Variants in SH3PXD2A observed in about 807,000 individuals in gnomAD.
The protein encoded by SH3PXD2A is SH3 and PX domain-containing protein 2A.
In SH3PXD2A, 32 loss-of-function variants were observed where a neutral mutation model predicts 115.2. That is an observed-to-expected ratio of 0.28 (90% CI 0.21 to 0.37). SH3PXD2A has a LOEUF of 0.37. Among genes scored for constraint, SH3PXD2A ranks in the 10% least tolerant of loss-of-function variants. The pLI is 1.00. For missense variants in SH3PXD2A, 1,328 were observed against 1,498.7 expected, an observed-to-expected ratio of 0.89 and a Z score of 1.88; for synonymous variants, 610 against 629.1, an observed-to-expected ratio of 0.97 and a Z score of 0.45.
intron 14 of SH3PXD2A, among the ~76,000 whole-genome samples, chr10:103,604,859 GA>G (rs1202525164): frequency 4.6e-5 from 7 of 152,340 alleles, no homozygotes; most frequent in African/African-American, 1.7e-4. Flanking sequence ...AGTACAGAGA[GA>G]ATGATTTTTC....
At chr10:103,692,154 C>A (rs932731328) in intron 6 of SH3PXD2A, among the ~76,000 whole-genome samples, 9 of 152,196 alleles carry the variant, frequency 5.9e-5, no homozygotes, top group Non-Finnish European at 1.5e-5. Flanking sequence ...CTGTCCCCGC[C>A]CCCACTTCAG....
At chr10:103,790,978 T>A (rs182428276) in intron 2 of SH3PXD2A, among the ~76,000 whole-genome samples, 1 of 152,368 alleles carries the variant, frequency 6.6e-6, no homozygotes, top group Admixed American at 6.5e-5. Context: ...TGCACACAGC[T>A]GATTTCTCTC....
chr10:103,774,118 T>C, intron 2 of SH3PXD2A, among the ~76,000 whole-genome samples: 1 of 152,226 alleles, frequency 6.6e-6, no homozygotes, highest in East Asian at 1.9e-4. Flanking sequence ...TTTGGAAAAT[T>C]TGTGGCCATT....
chr10:103,607,961 G>C (rs564154071), intron 13 of SH3PXD2A, among the ~76,000 whole-genome samples: 1 of 151,570 alleles, frequency 6.6e-6, no homozygotes, highest in Non-Finnish European at 1.5e-5. Context: ...CAGCATGCTC[G>C]TTAAGAGTCA....
In SH3PXD2A at chr10:103,603,757, G is replaced by A. The variant is rs146556237; in HGVS notation, c.1461C>T (p.Tyr487=). The change falls in exon 15 of 15, where the codon TAC becomes TAT. Residue 487 remains tyrosine (Y), a synonymous_variant. Transcript: ENST00000369774. The stretch of plus-strand genomic sequence containing the variant: ...AGCCCTCCTTCTCACCGATCTGCAC[G>A]TACCACCAGCCACCTGAGTTCTTAT... ...VIDKNSGGWW[Y]VQIGEKEGWA... The A allele has an allele frequency of 2.3e-4, 370 of 1,610,276 alleles. 3 individuals are homozygous for A. The East Asian group carries it at 6.2e-3, about 27-fold the overall frequency.
chr10:103,785,652 G>C (rs986383659), intron 2 of SH3PXD2A, among the ~76,000 whole-genome samples: 6 of 152,086 alleles, frequency 3.9e-5, no homozygotes, highest in African/African-American at 7.2e-5. Flanking sequence ...CAAAAGGCGC[G>C]TCTGTACGTG....
At chr10:103,825,939 A>G (rs1963711) in intron 1 of SH3PXD2A, among the ~76,000 whole-genome samples, 151,439 of 151,940 alleles carry the variant, frequency 1, 75,478 homozygotes, top group Middle Eastern at 1. Context: ...AATTTTTTGT[A>G]TTTTTAGTAG....
intron 5 of SH3PXD2A, among the ~76,000 whole-genome samples, chr10:103,715,128 G>T (rs544016870): frequency 6.6e-6 from 1 of 152,292 alleles, no homozygotes; most frequent in South Asian, 2.1e-4. Context: ...ACCCAGGCCT[G>T]GGCTAATGGA....
chr10:103,696,053 CTGGAGTAG>C (rs1319923858), intron 5 of SH3PXD2A, among the ~76,000 whole-genome samples: 1 of 152,336 alleles, frequency 6.6e-6, no homozygotes, highest in East Asian at 1.9e-4. Flanking sequence ...CCACCCCTTC[CTGGAGTAG>C]TGGATGCAGG....
chr10:103,682,064 C>T (rs986114404), intron 6 of SH3PXD2A, among the ~76,000 whole-genome samples: 9 of 152,222 alleles, frequency 5.9e-5, no homozygotes, highest in Non-Finnish European at 7.3e-5. Flanking sequence ...GGACCAACTT[C>T]CTATTTTCCT....
intron 3 of SH3PXD2A, among the ~76,000 whole-genome samples, chr10:103,750,574 C>G (rs1306906089): frequency 6.6e-6 from 1 of 152,116 alleles, no homozygotes; most frequent in Non-Finnish European, 1.5e-5. Flanking sequence ...TTCATGAGCC[C>G]CCTGAGCGAT....
intron 8 of SH3PXD2A, among the ~76,000 whole-genome samples, chr10:103,634,761 G>T (rs891205625): frequency 6.6e-6 from 1 of 152,148 alleles, no homozygotes; most frequent in Admixed American, 6.5e-5. Context: ...GTAATTAGGG[G>T]TATTCAGTCA....
At chr10:103,805,749 C>A (rs57717780) in intron 1 of SH3PXD2A, among the ~76,000 whole-genome samples, 8,545 of 152,060 alleles carry the variant, frequency 0.056, 283 homozygotes, top group South Asian at 0.11. Flanking sequence ...AAGGGCAGGG[C>A]GCAGTGGCTC....
chr10:103,728,093 C>T (rs1183975917), intron 4 of SH3PXD2A, among the ~76,000 whole-genome samples: 1 of 152,186 alleles, frequency 6.6e-6, no homozygotes, highest in Non-Finnish European at 1.5e-5. Flanking sequence ...ATGTATGCCA[C>T]GTGGTGGTAA....
chr10:103,694,205 A>G (rs1478769999), intron 5 of SH3PXD2A, among the ~76,000 whole-genome samples: 5 of 152,150 alleles, frequency 3.3e-5, no homozygotes, highest in Non-Finnish European at 5.9e-5. Context: ...CCAGGGGCCA[A>G]AGAAAATGCC....
chr10:103,696,642 A>G (rs577977254), intron 5 of SH3PXD2A, among the ~76,000 whole-genome samples: 49 of 152,238 alleles, frequency 3.2e-4, no homozygotes, highest in African/African-American at 1.0e-3. Context: ...CTGCTGAATC[A>G]TATCGGCCAG....
chr10:103,678,043 G>C, intron 6 of SH3PXD2A: 1 of 1,093,164 alleles, frequency 9.1e-7, no homozygotes, highest in Non-Finnish European at 1.2e-6. Context: ...CCCAGCATCT[G>C]CTTTAATGCC....
intron 3 of SH3PXD2A, chr10:103,749,760 G>A (rs1589440140): frequency 6.6e-6 from 1 of 152,190 alleles, no homozygotes; most frequent in Non-Finnish European, 1.5e-5. Flanking sequence ...CATTGTAACT[G>A]CCTTCCTCAT....
chr10:103,797,402 A>T (rs2039102640), intron 2 of SH3PXD2A, among the ~76,000 whole-genome samples: 1 of 151,854 alleles, frequency 6.6e-6, no homozygotes, highest in Non-Finnish European at 1.5e-5. Flanking sequence ...TGGCGGGGGG[A>T]GGTTCTCTCC....
Sources: gnomAD v4.1 joint callset for allele counts (sites outside exome capture counted in the v4.1 genomes callset) on GRCh38, gnomAD v4.1.1 for gene constraint, MANE v1.5 for transcripts, NCBI Gene and HGNC (gene_info 2026-07-23, HGNC 2026-07-21) for gene names.